Variants in EPB41L4A observed in about 807,000 individuals in gnomAD.
The protein encoded by EPB41L4A is band 4.1-like protein 4A.
Under a neutral mutation model 108.6 loss-of-function variants are expected in EPB41L4A, and 100 were observed. That is an observed-to-expected ratio of 0.92 (90% CI 0.78 to 1.09). The LOEUF is 1.09. Among genes scored for constraint, EPB41L4A ranks in the 50% least tolerant of loss-of-function variants. The probability of loss-of-function intolerance (pLI) is 0.00; values close to 1 mark genes in which losing one functional copy is unlikely to be tolerated. For synonymous variants in EPB41L4A, 319 were observed against 289.0 expected (o/e 1.10, Z -1.05); for missense variants, 1,030 against 842.7 (o/e 1.22, Z -2.75).
chr5:112,290,354 C>T (rs1426989360), intron 2 of EPB41L4A, among the ~76,000 whole-genome samples: 1 of 152,168 alleles, frequency 6.6e-6, no homozygotes, highest in Admixed American at 6.5e-5. Flanking sequence ...CCAACATATG[C>T]CTGTCTCTAG....
intron 1 of EPB41L4A, among the ~76,000 whole-genome samples, chr5:112,353,632 G>C (rs999118744): frequency 6.6e-6 from 1 of 152,178 alleles, no homozygotes; most frequent in Non-Finnish European, 1.5e-5. Context: ...TTATCCCCAG[G>C]TTTCCAAGAG....
At chr5:112,383,348 T>G (rs1444030302) in intron 1 of EPB41L4A, among the ~76,000 whole-genome samples, 1 of 152,170 alleles carries the variant, frequency 6.6e-6, no homozygotes, top group Non-Finnish European at 1.5e-5. Context: ...AAATAGCATT[T>G]AAAACGTAAC....
chr5:112,249,432 C>A (rs1750490075), intron 9 of EPB41L4A, among the ~76,000 whole-genome samples: 1 of 152,092 alleles, frequency 6.6e-6, no homozygotes, highest in Admixed American at 6.5e-5. Flanking sequence ...GAAATAGATA[C>A]CAAAGAAAGC....
In EPB41L4A at chr5:112,170,910, G is replaced by A. The variant is rs1007470552; in HGVS notation, c.1670+35C>T. 1.6e-5 allele frequency: 26 copies of A among 1,593,242 alleles called. No homozygotes were observed. In the East Asian group the frequency reaches 5.8e-4, roughly 36 times the overall value. ...TTGCAATTGCATTAAAACTACATGG[G>A]TTTTAAAACAATAAGAAAGAAAACT... On this transcript the variant is annotated intron_variant, in intron 19 of 22. Coordinates refer to ENST00000261486, the MANE Select transcript of EPB41L4A (RefSeq NM_022140.5).
chr5:112,246,041 A>G (rs150653982), intron 9 of EPB41L4A, among the ~76,000 whole-genome samples: 1 of 152,356 alleles, frequency 6.6e-6, no homozygotes, highest in Non-Finnish European at 1.5e-5. Flanking sequence ...GAATTCAGAA[A>G]GTGTTTTCCT....
At chr5:112,367,063 A>G (rs2112518396) in intron 1 of EPB41L4A, among the ~76,000 whole-genome samples, 1 of 152,334 alleles carries the variant, frequency 6.6e-6, no homozygotes, top group South Asian at 2.1e-4. Flanking sequence ...GCAGAGCACC[A>G]GAAACAGGCA....
intron 1 of EPB41L4A, among the ~76,000 whole-genome samples, chr5:112,413,810 G>A (rs536215542): frequency 3.9e-5 from 6 of 152,320 alleles, no homozygotes; most frequent in African/African-American, 1.2e-4. Context: ...GAAACCGTGA[G>A]CAGTTTCTGC....
At chr5:112,401,930 C>A (rs941893120) in intron 1 of EPB41L4A, among the ~76,000 whole-genome samples, 1 of 152,206 alleles carries the variant, frequency 6.6e-6, no homozygotes, top group Non-Finnish European at 1.5e-5. Context: ...ATGTATTAAA[C>A]ACAGGGGGAA....
chr5:112,157,376 T>G (rs1263321811), intron 12 of EPB41L4A, among the ~76,000 whole-genome samples: 2 of 152,188 alleles, frequency 1.3e-5, no homozygotes, highest in African/African-American at 2.4e-5. Context: ...CAAGAAATGG[T>G]GGAGTAACAA....
At chr5:112,334,106 C>T (rs907362269) in intron 1 of EPB41L4A, among the ~76,000 whole-genome samples, 1 of 152,088 alleles carries the variant, frequency 6.6e-6, no homozygotes, top group African/African-American at 2.4e-5. Context: ...AGTTCAGGCA[C>T]ACAGCCAACC....
At position 112,210,001 on chromosome 5, in the gene EPB41L4A, G is replaced by T; in HGVS notation, c.1088-19C>A. 1.4e-6 allele frequency: 2 copies of T among 1,406,426 alleles called. No individual in the cohort carries two copies. Among genetic ancestry groups the T allele is most frequent in the East Asian group, 2.3e-5 (1 of 42,560 alleles). The allele number at this position is 1,406,426 out of a possible 1,614,324, so 87.1% of individuals were successfully genotyped here. ...TTTGATTCTAGCAGAGGAGGAGAAG[G>T]AAAGATGGAAGAGAGAGGAAACAGT... On this transcript the variant is annotated intron_variant, in intron 12 of 22. Transcript: ENST00000261486.
downstream of EPB41L4A, chr5:112,161,482 G>A (rs1173509969): frequency 1.2e-5 from 6 of 518,664 alleles, no homozygotes; most frequent in East Asian, 2.2e-4. Context: ...CTCACGCAGT[G>A]TCAGCCTTTG....
chr5:112,194,639 A>G lies in EPB41L4A; in HGVS notation c.1431T>C (p.Arg477=), dbSNP rs1761872897. The stretch of plus-strand genomic sequence containing the variant: ...TACCACTGCTGGTGTTACAGCGTGA[A>G]CGTGACCTGAAGACAAAAAGGTAAG... ...DSDLKQRRRS[R]SRCNTSSGSE... is the part of the protein sequence containing the mutation. The change falls in exon 17 of 23, where the codon CGT becomes CGC. Residue 477 remains arginine, a synonymous_variant. Coordinates refer to ENST00000261486, the MANE Select transcript of EPB41L4A (RefSeq NM_022140.5). The G allele has an allele frequency of 1.9e-6, 3 of 1,600,012 alleles. No individual in the cohort carries two copies. The highest frequency in any genetic ancestry group is 2.6e-6 in the Non-Finnish European group (3 of 1,174,716).
chr5:112,192,641 G>A (rs956692980), intron 17 of EPB41L4A, among the ~76,000 whole-genome samples: 5 of 152,278 alleles, frequency 3.3e-5, no homozygotes, highest in Admixed American at 2.6e-4. Context: ...ACTCTTAAGG[G>A]AGAAAATACC....
At chr5:112,167,237 A>G (rs1235607448) in intron 22 of EPB41L4A, among the ~76,000 whole-genome samples, 1 of 152,186 alleles carries the variant, frequency 6.6e-6, no homozygotes, top group African/African-American at 2.4e-5. Context: ...TAGCAGTATT[A>G]AAGTTACACA....
chr5:112,239,544 T>C (rs1014918844), intron 11 of EPB41L4A, 116 bp downstream of exon 11: 4 of 545,934 alleles, frequency 7.3e-6, no homozygotes, highest in African/African-American at 4.0e-5. Flanking sequence ...ACAAAACACA[T>C]TGGCAATGCA....
At chr5:112,215,538 G>A (rs11241154) in intron 12 of EPB41L4A, among the ~76,000 whole-genome samples, 9,617 of 152,092 alleles carry the variant, frequency 0.063, 469 homozygotes, top group Admixed American at 0.16. Context: ...CAAGGCGGGC[G>A]GATCATGAGG....
intron 12 of EPB41L4A, among the ~76,000 whole-genome samples, chr5:112,220,026 G>A (rs1747937724): frequency 6.6e-6 from 1 of 152,160 alleles, no homozygotes; most frequent in African/African-American, 2.4e-5. Context: ...GTAAACAGAG[G>A]TGGTTTTATT....
intron 2 of EPB41L4A, among the ~76,000 whole-genome samples, chr5:112,295,345 C>T (rs991488250): frequency 8.5e-5 from 13 of 152,154 alleles, no homozygotes; most frequent in African/African-American, 2.9e-4. Context: ...GCAGGCACCT[C>T]GGGGATGCTA....
Sources: gnomAD v4.1 joint callset for allele counts (sites outside exome capture counted in the v4.1 genomes callset) on GRCh38, gnomAD v4.1.1 for gene constraint, MANE v1.5 for transcripts, NCBI Gene and HGNC (gene_info 2026-07-23, HGNC 2026-07-21) for gene names.